The following ZBBX variants were observed in gnomAD, a reference collection of about 807,000 sequenced individuals.
ZBBX encodes zinc finger B-box domain containing.
ZBBX carries 101 observed loss-of-function variants against 108.5 expected under a neutral mutation model. That is an observed-to-expected ratio of 0.93 (90% CI 0.79 to 1.10). The LOEUF (loss-of-function observed/expected upper bound fraction) is 1.10, where lower values mean the gene tolerates loss of function less well. Ranked by LOEUF, ZBBX falls within the 50% of genes least tolerant of loss-of-function variation. The pLI, the probability that ZBBX is intolerant of heterozygous loss-of-function variation, is 0.00. For synonymous variants in ZBBX, 356 were observed against 323.4 expected (o/e 1.10, Z -1.08); for missense variants, 1,009 against 941.4 (o/e 1.07, Z -0.94).
the ZBBX span, among the ~76,000 whole-genome samples, chr3:167,212,158 C>A: frequency 4.6e-5 from 7 of 152,152 alleles, no homozygotes; most frequent in African/African-American, 1.7e-4. Context: ...TGTTTTGCAG[C>A]CTTCACTGGT....
Position 167,288,865 on chromosome 3 carries a change from AC to A in ZBBX, c.1996+1del. 1 of 1,527,698 alleles carries A rather than the reference AC, an allele frequency of 6.5e-7. No individual in the cohort carries two copies. Among genetic ancestry groups the A allele is most frequent in the South Asian group, 1.2e-5 (1 of 80,248 alleles). The allele number at this position is 1,527,698 out of a possible 1,614,324, so 94.6% of individuals were successfully genotyped here. A position where few individuals can be genotyped will look rare whatever the true frequency, so the allele number is the denominator to read the frequency against. ...GCACTGCTGCCTTTGAGTCAATGTT[AC>A]CCATCTTTTGCTGTTTTCTACTTGA... On this transcript the variant is annotated splice_donor_variant, in intron 19 of 21. Transcript: ENST00000675490. LOFTEE classifies it high-confidence loss of function.
intron 1 of ZBBX, among the ~76,000 whole-genome samples, chr3:167,393,624 C>A (rs926386619): frequency 6.6e-6 from 1 of 151,808 alleles, no homozygotes; most frequent in Non-Finnish European, 1.5e-5. Context: ...TCAATTAGTT[C>A]TTGATGCTAG....
chr3:167,220,683 C>A, the ZBBX span, among the ~76,000 whole-genome samples: 2 of 151,852 alleles, frequency 1.3e-5, no homozygotes, highest in Admixed American at 6.6e-5. Flanking sequence ...CAAAAATGCC[C>A]ACTTTCACCA....
the ZBBX span, among the ~76,000 whole-genome samples, chr3:167,232,013 A>C: frequency 2.0e-5 from 3 of 151,852 alleles, no homozygotes; most frequent in Non-Finnish European, 4.4e-5. Context: ...TGGCCATTTG[A>C]TATGATTGTA....
At chr3:167,251,959 C>CACACACACACA (rs374736828) in intron 20 of ZBBX, among the ~76,000 whole-genome samples, 16 of 151,440 alleles carry the variant, frequency 1.1e-4, no homozygotes, top group African/African-American at 3.6e-4. Context: ...CACACACACA[C>CACACACACACA]ATCTGTCCAT....
At chr3:167,285,089 A>G (rs1729472172) in intron 19 of ZBBX, among the ~76,000 whole-genome samples, 1 of 152,134 alleles carries the variant, frequency 6.6e-6, no homozygotes, top group Admixed American at 6.6e-5. Flanking sequence ...TATATTCTAA[A>G]TGTAACAAAA....
At chr3:167,223,496 C>T in the ZBBX span, among the ~76,000 whole-genome samples, 1 of 151,930 alleles carries the variant, frequency 6.6e-6, no homozygotes, top group Non-Finnish European at 1.5e-5. Context: ...TTAGTTTTAG[C>T]TCTGCCTCTA....
At chr3:167,371,426 G>C (rs1212456984) in intron 4 of ZBBX, among the ~76,000 whole-genome samples, 1 of 152,142 alleles carries the variant, frequency 6.6e-6, no homozygotes, top group African/African-American at 2.4e-5. Flanking sequence ...CTAGCAGTTT[G>C]AGCCATGTTC....
At chr3:167,398,371 A>G (rs754763804) in intron 1 of ZBBX, among the ~76,000 whole-genome samples, 2 of 152,072 alleles carry the variant, frequency 1.3e-5, no homozygotes, top group Non-Finnish European at 2.9e-5. Context: ...AAGGCATAAG[A>G]TTCTTTAAAG....
rs1736541073 is a variant in ZBBX, at chr3:167,322,095, GTAT to G, written c.983+19_983+21del. 1 of 1,178,442 alleles carries G rather than the reference GTAT, an allele frequency of 8.5e-7. No individual in the cohort carries two copies. The highest frequency in any genetic ancestry group is 1.6e-5 in the African/African-American group (1 of 63,180). 73.0% of individuals were successfully genotyped at this position (1,178,442 alleles called of 1,614,324 possible). ...TAAATAACTTTCATATTTCCTAATA[GTAT>G]TATAATTTCAGAAAATACCTCCTGT... On this transcript the variant is annotated intron_variant, in intron 12 of 21. Coordinates refer to ENST00000675490, the MANE Select transcript of ZBBX (RefSeq NM_001199201.2).
chr3:167,229,920 G>A, the ZBBX span, among the ~76,000 whole-genome samples: 10 of 151,804 alleles, frequency 6.6e-5, no homozygotes, highest in Non-Finnish European at 1.2e-4. Context: ...CCTAAGTTCA[G>A]TTCAAGCAAC....
At chr3:167,326,360 A>G (rs920364682) in intron 11 of ZBBX, among the ~76,000 whole-genome samples, 2 of 152,140 alleles carry the variant, frequency 1.3e-5, no homozygotes, top group Non-Finnish European at 2.9e-5. Flanking sequence ...AAATGTTAAC[A>G]TGGATTTTCT....
intron 12 of ZBBX, among the ~76,000 whole-genome samples, chr3:167,320,080 C>T (rs977717669): frequency 6.6e-6 from 1 of 151,584 alleles, no homozygotes; most frequent in Non-Finnish European, 1.5e-5. Flanking sequence ...AGAATTGTGG[C>T]ACCAGAATAG....
chr3:167,339,448 G>T (rs369555735), intron 9 of ZBBX, among the ~76,000 whole-genome samples: 1 of 152,252 alleles, frequency 6.6e-6, no homozygotes, highest in East Asian at 1.9e-4. Context: ...TCTCTTAGAA[G>T]TGAATTACTA....
chr3:167,201,096 A>T, the ZBBX span, among the ~76,000 whole-genome samples: 1 of 152,136 alleles, frequency 6.6e-6, no homozygotes, highest in Non-Finnish European at 1.5e-5. Context: ...CCTATAGTTC[A>T]TCCCAAAGAG....
At chr3:167,187,382 A>G in the ZBBX span, among the ~76,000 whole-genome samples, 1 of 152,168 alleles carries the variant, frequency 6.6e-6, no homozygotes, top group Non-Finnish European at 1.5e-5. Flanking sequence ...CTCATGGGAT[A>G]TTGGTAGCCC....
chr3:167,283,195 G>A (rs1185075368), intron 19 of ZBBX, among the ~76,000 whole-genome samples: 1 of 151,936 alleles, frequency 6.6e-6, no homozygotes, highest in Admixed American at 6.6e-5. Flanking sequence ...GACTTAGTTG[G>A]TTTCTTCAAC....
chr3:167,248,629 T>G (rs1320595490), intron 20 of ZBBX: 4 of 456,620 alleles, frequency 8.8e-6, no homozygotes, highest in South Asian at 6.2e-5. Flanking sequence ...CAAACTGGAC[T>G]CCAAGCTTCA....
chr3:167,184,538 A>T, the ZBBX span, among the ~76,000 whole-genome samples: 1 of 152,176 alleles, frequency 6.6e-6, no homozygotes, highest in Admixed American at 6.5e-5. Flanking sequence ...TTATTTTCAC[A>T]TAAAAACCTA....
Sources: gnomAD v4.1 joint callset for allele counts (sites outside exome capture counted in the v4.1 genomes callset) on GRCh38, gnomAD v4.1.1 for gene constraint, MANE v1.5 for transcripts, NCBI Gene and HGNC (gene_info 2026-07-23, HGNC 2026-07-21) for gene names.